Variants in CNTN4 observed in about 807,000 individuals in gnomAD.
CNTN4 encodes the protein contactin-4.
In CNTN4, 77 loss-of-function variants were observed where a neutral mutation model predicts 122.5. That is an observed-to-expected ratio of 0.63 (90% CI 0.52 to 0.76). The LOEUF (loss-of-function observed/expected upper bound fraction) is 0.76. CNTN4 is among the 30% of genes least tolerant of loss of function. The pLI, the probability that CNTN4 is intolerant of heterozygous loss-of-function variation, is 0.00. For synonymous variants in CNTN4, 512 were observed against 447.0 expected, an observed-to-expected ratio of 1.15 and a Z score of -1.83; for missense variants, 1,256 against 1,259.1, an observed-to-expected ratio of 1.00 and a Z score of 0.04.
chr3:2,429,160 G>C (rs899382515), intron 3 of CNTN4, among the ~76,000 whole-genome samples: 1 of 152,190 alleles, frequency 6.6e-6, no homozygotes, highest in African/African-American at 2.4e-5. Context: ...GAGGCCCTCT[G>C]ATTTTTAGAA....
chr3:2,520,259 CTTTTTTTTTTTTTT>C (rs397988483), intron 3 of CNTN4, among the ~76,000 whole-genome samples: 9 of 74,468 alleles, frequency 1.2e-4, no homozygotes, highest in African/African-American at 5.1e-4. Flanking sequence ...TGATTGCTTC[CTTTTTTTTTTTTTT>C]TTTTTTTTTT....
intron 10 of CNTN4, among the ~76,000 whole-genome samples, chr3:2,898,380 A>T (rs1261802133): frequency 7.2e-5 from 11 of 152,118 alleles, no homozygotes; most frequent in Admixed American, 5.2e-4. Context: ...TGTTGATTTC[A>T]CCTTGGCCCG....
chr3:2,345,773 A>G (rs2044376767), intron 3 of CNTN4, among the ~76,000 whole-genome samples: 1 of 152,182 alleles, frequency 6.6e-6, no homozygotes, highest in Non-Finnish European at 1.5e-5. Context: ...TCCGCACCAC[A>G]ACTAATTTAT....
In CNTN4 at chr3:2,296,251, C is replaced by T. The variant is rs545621870; in HGVS notation, c.-144-42927C>T. Among the ~76,000 whole-genome samples the T allele has an allele frequency of 1.8e-3, 281 of 152,240 alleles. 2 individuals carry two copies. The highest frequency in any genetic ancestry group is 6.3e-3 in the African/African-American group (262 of 41,550). On this transcript the variant is annotated intron_variant, in intron 2 of 24. Coordinates refer to ENST00000418658, the MANE Select transcript of CNTN4 (RefSeq NM_175607.3). ...TAGCTTGATGGGGATGGCGTTGAAT[C>T]TATAAATTACCTTGGGCAGTATGGC...
chr3:2,918,167 C>T (rs1042898322), intron 12 of CNTN4, among the ~76,000 whole-genome samples: 1 of 152,308 alleles, frequency 6.6e-6, no homozygotes, highest in African/African-American at 2.4e-5. Context: ...CAGTCACTGC[C>T]GCATTGCATA....
intron 3 of CNTN4, among the ~76,000 whole-genome samples, chr3:2,506,130 A>G (rs975205337): frequency 4.6e-5 from 7 of 152,012 alleles, no homozygotes; most frequent in Admixed American, 4.6e-4. Flanking sequence ...ATTTTGTTCC[A>G]TCTGCACCGG....
chr3:2,988,389 C>A lies in CNTN4; in HGVS notation c.1403C>A (p.Thr468Asn). The A allele has an allele frequency of 6.2e-7, 1 of 1,613,694 alleles. No individual in the cohort carries two copies. Among genetic ancestry groups the A allele is most frequent in the Non-Finnish European group, 8.5e-7 (1 of 1,179,706 alleles). Residue 468 changes from threonine (T) to asparagine (N), a missense_variant, in exon 14 of 25, where the codon ACT (threonine) becomes AAT (asparagine). Physicochemically the swap from Thr to Asn is moderately conservative, Grantham distance 65. Transcript: ENST00000418658. Reference sequence around the variant, plus strand: ...GGAAACCTCAGAATCATCAACGTTACTAAATCAGACGCTGGGAGTTATACC... The same window carrying A: ...GGAAACCTCAGAATCATCAACGTTAATAAATCAGACGCTGGGAGTTATACC... Reference protein sequence around the residue: ...EDGNLRIINVTKSDAGSYTCI... With the variant: ...EDGNLRIINVNKSDAGSYTCI...
chr3:2,367,949 T>C (rs58360846), intron 3 of CNTN4, among the ~76,000 whole-genome samples: 55,864 of 151,600 alleles, frequency 0.37, 10,525 homozygotes, highest in Middle Eastern at 0.48. Context: ...TACCTCTACA[T>C]TTATTTAAGC....
chr3:2,110,699 CTG>C (rs2032876197), intron 2 of CNTN4: 1 of 151,438 alleles, frequency 6.6e-6, no homozygotes, highest in African/African-American at 2.4e-5. Flanking sequence ...CGGAGTGAGA[CTG>C]TGAAGGGGCC....
rs909495376 is a variant in CNTN4 at position 2,358,167 on chromosome 3, A to G, written c.-89+18934A>G. 1.1e-3 allele frequency among the ~76,000 whole-genome samples: 165 copies of G among 152,296 alleles called. 3 individuals are homozygous for G. Among genetic ancestry groups the G allele is most frequent in the Non-Finnish European group, 1.9e-4 (13 of 68,034 alleles). Reference sequence around the variant, plus strand: ...GTAGGATACTTGACAAAAAAAGGATACAATATTTCTATCTATTTAAGATGT... The same window carrying G: ...GTAGGATACTTGACAAAAAAAGGATGCAATATTTCTATCTATTTAAGATGT... On this transcript the variant is annotated intron_variant, in intron 3 of 24. Transcript: ENST00000418658.
chr3:2,486,541 A>G (rs2076168000), intron 3 of CNTN4, among the ~76,000 whole-genome samples: 1 of 152,192 alleles, frequency 6.6e-6, no homozygotes, highest in Non-Finnish European at 1.5e-5. Flanking sequence ...AGAAAAATAT[A>G]ATATTTATTG....
At chr3:2,794,072 A>G (rs1240339718) in intron 6 of CNTN4, among the ~76,000 whole-genome samples, 1 of 152,212 alleles carries the variant, frequency 6.6e-6, no homozygotes, top group African/African-American at 2.4e-5. Context: ...ACATGTTTCA[A>G]ATTCACCATA....
At chr3:2,664,761 C>T (rs1364201265) in intron 4 of CNTN4, among the ~76,000 whole-genome samples, 1 of 152,168 alleles carries the variant, frequency 6.6e-6, no homozygotes, top group Admixed American at 6.5e-5. Flanking sequence ...TTGCAAAGGT[C>T]AGGTTCGTGT....
intron 13 of CNTN4, among the ~76,000 whole-genome samples, chr3:2,974,129 A>T (rs1387623963): frequency 6.6e-6 from 1 of 152,204 alleles, no homozygotes; most frequent in African/African-American, 2.4e-5. Flanking sequence ...CTGAAACAAA[A>T]AAAGTAGTTC....
intron 2 of CNTN4, among the ~76,000 whole-genome samples, chr3:2,186,606 T>C (rs1466252666): frequency 6.6e-6 from 1 of 152,202 alleles, no homozygotes; most frequent in Non-Finnish European, 1.5e-5. Flanking sequence ...TTTCCTGACT[T>C]TTTAATGATG....
At chr3:2,295,092 T>C (rs1481337989) in intron 2 of CNTN4, among the ~76,000 whole-genome samples, 3 of 151,330 alleles carry the variant, frequency 2.0e-5, no homozygotes, top group Admixed American at 2.0e-4. Context: ...GGACATTTGG[T>C]TTGGTTCCAA....
chr3:2,790,240 A>G (rs989415678), intron 6 of CNTN4, among the ~76,000 whole-genome samples: 6 of 152,310 alleles, frequency 3.9e-5, no homozygotes, highest in African/African-American at 1.4e-4. Context: ...CCTCACCTGG[A>G]TGAGGTTCCC....
chr3:2,323,444 A>G (rs1337766497), intron 2 of CNTN4, among the ~76,000 whole-genome samples: 4 of 152,260 alleles, frequency 2.6e-5, no homozygotes, highest in African/African-American at 2.4e-5. Context: ...CTTCAAGTTT[A>G]CTTAACTTTT....
chr3:2,573,506 C>G (rs1205220898), intron 4 of CNTN4, among the ~76,000 whole-genome samples: 2 of 152,134 alleles, frequency 1.3e-5, no homozygotes, highest in Non-Finnish European at 2.9e-5. Flanking sequence ...CTCATAATGA[C>G]TCTGGTATAA....
Sources: allele counts gnomAD v4.1 joint callset (sites outside exome capture counted in the v4.1 genomes callset), GRCh38; gene constraint gnomAD v4.1.1; transcripts MANE v1.5; gene names NCBI Gene and HGNC (gene_info 2026-07-23, HGNC 2026-07-21).